EDIL3: variants seen among roughly 807,000 people sequenced by gnomAD.
The protein encoded by EDIL3 is EGF like and discoidin domains 3.
A neutral mutation model predicts 67.4 loss-of-function variants in EDIL3; 37 were observed. That is an observed-to-expected ratio of 0.55 (90% confidence interval 0.42 to 0.72). EDIL3 has a LOEUF of 0.72. Ranked by LOEUF, EDIL3 falls within the 30% of genes least tolerant of loss-of-function variation. The pLI, the probability that EDIL3 is intolerant of heterozygous loss-of-function variation, is 0.00. For synonymous variants in EDIL3, 195 were observed against 196.3 expected, an observed-to-expected ratio of 0.99 and a Z score of 0.05; for missense variants, 527 against 586.3, an observed-to-expected ratio of 0.90 and a Z score of 1.04.
chr5:84,281,252 T>C (rs759007841), intron 1 of EDIL3, among the ~76,000 whole-genome samples: 1 of 152,214 alleles, frequency 6.6e-6, no homozygotes, highest in South Asian at 2.1e-4. Context: ...TAATTTCTGA[T>C]ATTTTATTCA....
chr5:84,211,680 C>A (rs1029872715), intron 3 of EDIL3, among the ~76,000 whole-genome samples: 1 of 152,154 alleles, frequency 6.6e-6, no homozygotes, highest in Non-Finnish European at 1.5e-5. Context: ...ACAGCCAACA[C>A]AAACTGAAAG....
intron 9 of EDIL3, among the ~76,000 whole-genome samples, chr5:83,966,406 G>C (rs975868485): frequency 6.6e-6 from 1 of 152,034 alleles, no homozygotes; most frequent in African/African-American, 2.4e-5. Context: ...TATCAGAGCA[G>C]AAAATTCTAG....
intron 5 of EDIL3, among the ~76,000 whole-genome samples, chr5:84,128,880 G>T (rs1219555157): frequency 2.0e-5 from 3 of 151,960 alleles, no homozygotes; most frequent in Non-Finnish European, 4.4e-5. Flanking sequence ...CACATAAGGG[G>T]AATGTTGAAA....
chr5:84,262,727 A>G (rs1745259191), intron 1 of EDIL3, among the ~76,000 whole-genome samples: 1 of 122,190 alleles, frequency 8.2e-6, no homozygotes, highest in African/African-American at 3.2e-5. Flanking sequence ...GCTAGAGTGC[A>G]GTAGTATGAT....
chr5:84,326,813 A>T (rs1190502282), intron 1 of EDIL3, among the ~76,000 whole-genome samples: 2 of 151,644 alleles, frequency 1.3e-5, no homozygotes, highest in Admixed American at 6.6e-5. Context: ...ACCACCTTCT[A>T]CATTCTCTCT....
chr5:84,023,333 G>A (rs1745751724), intron 9 of EDIL3, among the ~76,000 whole-genome samples: 1 of 151,960 alleles, frequency 6.6e-6, no homozygotes, highest in African/African-American at 2.4e-5. Context: ...CTACTTAATT[G>A]TAAGAATTAC....
intron 9 of EDIL3, among the ~76,000 whole-genome samples, chr5:84,036,348 C>T (rs552520731): frequency 4.6e-5 from 7 of 152,248 alleles, no homozygotes; most frequent in African/African-American, 1.7e-4. Flanking sequence ...CCATACTCTC[C>T]TTCTCTGGAT....
intron 1 of EDIL3, among the ~76,000 whole-genome samples, chr5:84,275,791 T>G (rs1745573262): frequency 6.6e-6 from 1 of 152,198 alleles, no homozygotes; most frequent in Non-Finnish European, 1.5e-5. Flanking sequence ...ACTGAGTCCC[T>G]AGAGGGAGGA....
intron 9 of EDIL3, among the ~76,000 whole-genome samples, chr5:84,008,179 C>T (rs979317793): frequency 2.6e-5 from 4 of 151,716 alleles, no homozygotes; most frequent in Non-Finnish European, 5.9e-5. Flanking sequence ...TTAATGGGTA[C>T]AAACATATGG....
At chr5:84,126,933 T>C (rs948045542) in intron 5 of EDIL3, among the ~76,000 whole-genome samples, 1 of 152,112 alleles carries the variant, frequency 6.6e-6, no homozygotes, top group Admixed American at 6.6e-5. Flanking sequence ...AATAGCATTA[T>C]TAAGTTACTG....
chr5:83,965,096 A>C (rs1744666937), intron 9 of EDIL3, among the ~76,000 whole-genome samples: 1 of 152,088 alleles, frequency 6.6e-6, no homozygotes, highest in South Asian at 2.1e-4. Context: ...TCAAAGGTGC[A>C]CCATAGAGAT....
intron 9 of EDIL3, among the ~76,000 whole-genome samples, chr5:83,965,896 G>A (rs979053529): frequency 1.3e-4 from 19 of 151,946 alleles, no homozygotes; most frequent in Non-Finnish European, 2.5e-4. Flanking sequence ...AGAGTACGAG[G>A]CCTAAGCAAA....
At chr5:83,981,450 A>T (rs1462577095) in intron 9 of EDIL3, among the ~76,000 whole-genome samples, 1 of 152,072 alleles carries the variant, frequency 6.6e-6, no homozygotes, top group Non-Finnish European at 1.5e-5. Flanking sequence ...ATAAAACAGT[A>T]TATTGTGAAC....
chr5:84,212,671 A>T (rs1744148689), intron 3 of EDIL3, among the ~76,000 whole-genome samples: 1 of 152,216 alleles, frequency 6.6e-6, no homozygotes, highest in African/African-American at 2.4e-5. Flanking sequence ...GAGATCTGAA[A>T]GGGAAAGGAA....
rs1031083441 is a variant in EDIL3, at chr5:84,060,449, T to C, written c.988A>G (p.Ile330Val). ...GAGGCAGTGATCTGATAGTCTTGTATATGTCCTGATTTCATACCCAGAGGC... is the reference window on the plus strand; with the variant it reads ...GAGGCAGTGATCTGATAGTCTTGTACATGTCCTGATTTCATACCCAGAGGC... ...SEPLGMKSGHIQDYQITASSI... is the reference protein window; with the variant it reads ...SEPLGMKSGHVQDYQITASSI... Residue 330 changes from isoleucine (I) to valine (V), a missense_variant, in exon 9 of 11, where the codon ATA (isoleucine) becomes GTA (valine). Physicochemically the swap from Ile to Val is conservative, Grantham distance 29. Coordinates refer to ENST00000296591, the MANE Select transcript of EDIL3 (RefSeq NM_005711.5). 3 of 1,613,604 alleles carry C rather than the reference T, an allele frequency of 1.9e-6. No homozygotes were observed. The highest frequency in any genetic ancestry group is 1.7e-6 in the Non-Finnish European group (2 of 1,179,804).
At chr5:84,372,167 A>G (rs560555663) in intron 1 of EDIL3, among the ~76,000 whole-genome samples, 2 of 152,304 alleles carry the variant, frequency 1.3e-5, no homozygotes, top group Admixed American at 6.5e-5. Context: ...ATAAATATGT[A>G]GGCTACTTGG....
chr5:84,286,351 C>T (rs975196552), intron 1 of EDIL3, among the ~76,000 whole-genome samples: 1 of 151,808 alleles, frequency 6.6e-6, no homozygotes, highest in Non-Finnish European at 1.5e-5. Context: ...TAGATGTCCA[C>T]GTGAAAGAGC....
intron 9 of EDIL3, among the ~76,000 whole-genome samples, chr5:84,055,565 A>G (rs1561416930): frequency 6.6e-6 from 1 of 152,058 alleles, no homozygotes; most frequent in African/African-American, 2.4e-5. Flanking sequence ...GTCATCTGAC[A>G]AAGGGCTAAT....
intron 6 of EDIL3, among the ~76,000 whole-genome samples, chr5:84,078,177 C>T (rs1010048859): frequency 6.6e-6 from 1 of 152,072 alleles, no homozygotes; most frequent in African/African-American, 2.4e-5. Flanking sequence ...TGCATAAGTG[C>T]TCAAGAAGAA....
Sources: allele counts gnomAD v4.1 joint callset (sites outside exome capture counted in the v4.1 genomes callset), GRCh38; gene constraint gnomAD v4.1.1; transcripts MANE v1.5; gene names NCBI Gene and HGNC (gene_info 2026-07-23, HGNC 2026-07-21).